NEDD9: variants seen among roughly 807,000 people sequenced by gnomAD.
The protein encoded by NEDD9 is neural precursor cell expressed, developmentally down-regulated 9, also known as enhancer of filamentation 1.
Under a neutral mutation model 76.6 loss-of-function variants are expected in NEDD9, and 26 were observed. That is an observed-to-expected ratio of 0.34 (90% confidence interval 0.25 to 0.47). The LOEUF (loss-of-function observed/expected upper bound fraction) is 0.47. Among genes scored for constraint, NEDD9 ranks in the 20% least tolerant of loss-of-function variants. NEDD9 has a pLI of 1.00. For synonymous variants in NEDD9, 392 were observed against 414.2 expected (o/e 0.95, Z 0.65); for missense variants, 937 against 1,058.5 (o/e 0.89, Z 1.59).
At chr6:11,355,444 C>T (rs577299913) in intron 1 of NEDD9, among the ~76,000 whole-genome samples, 5 of 152,116 alleles carry the variant, frequency 3.3e-5, no homozygotes, top group African/African-American at 4.8e-5. Context: ...TCAGCCAAAA[C>T]GCAAGAACTG....
At chr6:11,191,288 C>T (rs574672428) in intron 4 of NEDD9, 83 bp from the exon 5 acceptor site, 7 of 1,458,270 alleles carry the variant, frequency 4.8e-6, no homozygotes, top group Non-Finnish European at 6.4e-6. Context: ...GTCCTATTTG[C>T]TGGCACTTTT....
intron 3 of NEDD9, chr6:11,305,971 T>G (rs1761174445): frequency 1.9e-6 from 3 of 1,613,214 alleles, no homozygotes; most frequent in African/African-American, 1.3e-5. Context: ...AAATTGTCTG[T>G]TTTTTTCTAT....
chr6:11,373,108 A>G (rs1487093510), intron 1 of NEDD9, among the ~76,000 whole-genome samples: 9 of 152,172 alleles, frequency 5.9e-5, no homozygotes, highest in African/African-American at 1.9e-4. Flanking sequence ...TTTGAAATCA[A>G]ACACCTTCGT....
chr6:11,241,484 C>T lies in NEDD9; in HGVS notation c.13-27757G>A, dbSNP rs901096828. On this transcript the variant is annotated intron_variant, in intron 3 of 3. Transcript: ENST00000397378. This position sits in a 1 kb window ranked among gnomAD's most constrained non-coding sequence, Gnocchi z 4.0. ...GCAGAAAAGGCTTATGGATTGTGTG[C>T]CCTAGCTTCCTAGATGGGCTGGATT... 3.9e-5 allele frequency among the ~76,000 whole-genome samples: 6 copies of T among 152,262 alleles called. No individual in the cohort carries two copies. Among genetic ancestry groups the T allele is most frequent in the Admixed American group, 3.3e-4 (5 of 15,292 alleles).
intron 2 of NEDD9, chr6:11,199,116 A>T (rs1426876101): frequency 6.6e-6 from 1 of 152,214 alleles, no homozygotes; most frequent in Admixed American, 6.5e-5. Context: ...GTTTTGGAAA[A>T]GGGAAACCAA....
At chr6:11,201,357 G>T (rs1758450214) in intron 2 of NEDD9, among the ~76,000 whole-genome samples, 1 of 152,218 alleles carries the variant, frequency 6.6e-6, no homozygotes, top group Non-Finnish European at 1.5e-5. Context: ...ATCATGTTTT[G>T]CTATGTTTCC....
intron 1 of NEDD9, among the ~76,000 whole-genome samples, chr6:11,356,597 C>T (rs570525790): frequency 3.9e-5 from 6 of 152,138 alleles, no homozygotes; most frequent in South Asian, 2.1e-4. Flanking sequence ...TAAGGCTGGG[C>T]GGGGCTGGAA....
At chr6:11,319,627 ACAC>A (rs1440284401) in intron 2 of NEDD9, among the ~76,000 whole-genome samples, 1 of 122,464 alleles carries the variant, frequency 8.2e-6, no homozygotes, top group African/African-American at 3.1e-5. Context: ...TCACACACAC[ACAC>A]ACTAACATGC....
intron 1 of NEDD9, among the ~76,000 whole-genome samples, chr6:11,344,149 C>T (rs1409697238): frequency 1.3e-5 from 2 of 152,160 alleles, no homozygotes; most frequent in Admixed American, 1.3e-4. Context: ...GTAGTGGGCT[C>T]ATGACACTTG....
chr6:11,325,051 A>G (rs1322058456), intron 2 of NEDD9, among the ~76,000 whole-genome samples: 1 of 152,202 alleles, frequency 6.6e-6, no homozygotes, highest in Non-Finnish European at 1.5e-5. Context: ...GGTAGAGAGC[A>G]TTGATAGAAC....
intron 3 of NEDD9, among the ~76,000 whole-genome samples, chr6:11,282,508 G>T (rs927108410): frequency 6.6e-6 from 1 of 152,158 alleles, no homozygotes; most frequent in African/African-American, 2.4e-5. Context: ...ATGAACCCTG[G>T]ATATCTCATA....
At chr6:11,204,504 G>A (rs977824960) in intron 2 of NEDD9, among the ~76,000 whole-genome samples, 14 of 151,990 alleles carry the variant, frequency 9.2e-5, no homozygotes, top group Admixed American at 5.9e-4. Context: ...GGCAGATCAC[G>A]AGGTCAGGAG....
intron 3 of NEDD9, 111 bp from the exon 4 acceptor site, chr6:11,192,557 G>T (rs1758175643): frequency 1.4e-6 from 1 of 715,046 alleles, no homozygotes; most frequent in Non-Finnish European, 2.3e-6. Context: ...GTACAAGCTT[G>T]ATCTTTGGCA....
At chr6:11,371,050 T>C (rs770125560) in intron 1 of NEDD9, among the ~76,000 whole-genome samples, 18 of 152,138 alleles carry the variant, frequency 1.2e-4, no homozygotes, top group Non-Finnish European at 2.2e-4. Flanking sequence ...CGTCCGGTGT[T>C]GGGCACTTTC....
chr6:11,355,763 C>T (rs918362164), intron 1 of NEDD9, among the ~76,000 whole-genome samples: 18 of 151,956 alleles, frequency 1.2e-4, no homozygotes, highest in Non-Finnish European at 2.1e-4. Context: ...CTCTGTCGCC[C>T]AGGCTGGAGG....
In NEDD9 at chr6:11,192,351, T is replaced by C. The variant is rs1367756335; in HGVS notation, c.657A>G (p.Thr219=). 6.3e-7 allele frequency: 1 copy of C among 1,585,812 alleles called. No individual in the cohort carries two copies. Residue 219 remains threonine, a synonymous_variant, in exon 4 of 7, where the codon ACA becomes ACG. Transcript: ENST00000379446. ...KPQGVYDIPP[T]KGVYAIPPSA... is the part of the protein sequence containing the mutation. The stretch of plus-strand genomic sequence containing the variant: ...TTTGTAGTCACTCACTCACCCCTTT[T>C]GTAGGCGGGATGTCATACACCCCTT...
At chr6:11,191,420 A>G (rs1885662) in intron 4 of NEDD9, among the ~76,000 whole-genome samples, 132,572 of 151,736 alleles carry the variant, frequency 0.87, 57,944 homozygotes, top group East Asian at 1. Flanking sequence ...ACTCGTATGT[A>G]CAACCCTCCT....
At chr6:11,295,592 G>A (rs73721528) in intron 3 of NEDD9, among the ~76,000 whole-genome samples, 2 of 152,130 alleles carry the variant, frequency 1.3e-5, no homozygotes, top group African/African-American at 2.4e-5. Context: ...CCTCCCTCGG[G>A]TGGCCTGTTT....
In NEDD9 at chr6:11,198,978, A is replaced by T. The variant is rs769631781; in HGVS notation, c.460-5286T>A. 6.6e-6 allele frequency: 1 copy of T among 152,234 alleles called. No homozygotes were observed. The highest frequency in any genetic ancestry group is 2.1e-4 in the South Asian group (1 of 4,830). 9.4% of individuals were successfully genotyped at this position (152,234 alleles called of 1,614,324 possible). A position where few individuals can be genotyped will look rare whatever the true frequency, so the allele number is the denominator to read the frequency against. On this transcript the variant is annotated intron_variant, in intron 2 of 6. Transcript: ENST00000379446. This position sits in a 1 kb window ranked among gnomAD's most constrained non-coding sequence, Gnocchi z 4.7. ...AGAAACTGTAGAAGAATGCACCCCA[A>T]GTTGGGTGAAGCCACTATTGGCAGG...
Sources: allele counts gnomAD v4.1 joint callset (sites outside exome capture counted in the v4.1 genomes callset), GRCh38; gene constraint gnomAD v4.1.1; non-coding constraint Gnocchi (gnomAD v3.1); transcripts MANE v1.5; gene names NCBI Gene and HGNC (gene_info 2026-07-23, HGNC 2026-07-21).